Variants in PDLIM5 observed in about 807,000 individuals in gnomAD.
PDLIM5 encodes PDZ and LIM domain protein 5.
Under a neutral mutation model 64.2 loss-of-function variants are expected in PDLIM5, and 34 were observed. That is an observed-to-expected ratio of 0.53 (90% CI 0.40 to 0.71). PDLIM5 has a LOEUF of 0.71. Among genes scored for constraint, PDLIM5 ranks in the 30% least tolerant of loss-of-function variants. The pLI is 0.00. For missense variants in PDLIM5, 683 were observed against 733.6 expected, an observed-to-expected ratio of 0.93 and a Z score of 0.80; for synonymous variants, 253 against 269.1, an observed-to-expected ratio of 0.94 and a Z score of 0.59.
intron 2 of PDLIM5, among the ~76,000 whole-genome samples, chr4:94,509,980 A>G (rs1728728457): frequency 6.6e-6 from 1 of 152,216 alleles, no homozygotes; most frequent in South Asian, 2.1e-4. Context: ...GTTGCCACGC[A>G]GTATCAACCA....
intron 5 of PDLIM5, chr4:94,582,861 A>G (rs1463109546): frequency 1.1e-5 from 7 of 647,408 alleles, no homozygotes; most frequent in Admixed American, 8.6e-5. Flanking sequence ...GTTAAGGAGC[A>G]TAAGAAGCAT....
chr4:94,612,590 A>T (rs934369038), intron 7 of PDLIM5, among the ~76,000 whole-genome samples: 1 of 152,202 alleles, frequency 6.6e-6, no homozygotes, highest in African/African-American at 2.4e-5. Flanking sequence ...TGTGCTATCT[A>T]TGGCCCCACC....
chr4:94,625,711 C>T (rs1739636264), intron 8 of PDLIM5, among the ~76,000 whole-genome samples: 1 of 152,090 alleles, frequency 6.6e-6, no homozygotes, highest in South Asian at 2.1e-4. Flanking sequence ...CCTCGGCCTC[C>T]CAAAGTGCTG....
In PDLIM5 at chr4:94,618,116, G is replaced by A. The variant is rs966845; in HGVS notation, c.1033G>A (p.Ala345Thr). ...SGRPGVTSLT[A>T]AAAFKPVGST... ...CAGACCAGGGGTTACCAGCCTCACA[G>A]CTGCAGCTGCCTTCAAGCCTGTAGG... The change falls in exon 8 of 13, where the codon GCT becomes ACT. Residue 345 changes from alanine (A) to threonine (T), a missense_variant. Coordinates refer to ENST00000317968, the MANE Select transcript of PDLIM5 (RefSeq NM_006457.5). The A allele has an allele frequency of 0.99, 1,602,162 of 1,612,560 alleles. 795,955 individuals carry two copies. Among genetic ancestry groups the A allele is most frequent in the East Asian group, 1 (44,730 of 44,730 alleles).
At chr4:94,630,708 C>A (rs553737080) in intron 8 of PDLIM5, among the ~76,000 whole-genome samples, 1 of 152,106 alleles carries the variant, frequency 6.6e-6, no homozygotes, top group South Asian at 2.1e-4. Context: ...ATCAGCCTTT[C>A]TTCTGACTTA....
chr4:94,575,689 A>G lies in PDLIM5; in HGVS notation c.365A>G (p.Asn122Ser), dbSNP rs758145672. 1.4e-5 allele frequency: 23 copies of G among 1,613,492 alleles called. No homozygotes were observed. The South Asian group carries it at 2.4e-4, about 17-fold the overall frequency. ...GTGTCCAAAGTCACTTCCACAAACA[A>G]CATGGCCTACAATAAGGCACCACGG... ...PAVSKVTSTN[N>S]MAYNKAPRPF... The change falls in exon 5 of 13, where the codon AAC becomes AGC. Residue 122 changes from asparagine (N) to serine (S), a missense_variant. By Grantham distance (46) the Asn-to-Ser change is conservative. Coordinates refer to ENST00000317968, the MANE Select transcript of PDLIM5 (RefSeq NM_006457.5).
chr4:94,468,918 A>G (rs1724607510), intron 2 of PDLIM5, among the ~76,000 whole-genome samples: 1 of 152,238 alleles, frequency 6.6e-6, no homozygotes, highest in Non-Finnish European at 1.5e-5. Context: ...ATTTTCTGAC[A>G]AAGGCCACAT....
rs142049448 is a variant in PDLIM5, at chr4:94,609,797, A to G, written c.921-8207A>G. 6.4e-4 allele frequency among the ~76,000 whole-genome samples: 98 copies of G among 152,278 alleles called. 2 individuals carry two copies. In the East Asian group the frequency reaches 0.018, roughly 28 times the overall value. On this transcript the variant is annotated intron_variant, in intron 7 of 12. Coordinates refer to ENST00000317968, the MANE Select transcript of PDLIM5 (RefSeq NM_006457.5). ...GGAAAAAACAATTTTCCTTCTTTCT[A>G]TGCTTATAGAAATTCAGACTTCACG...
At chr4:94,606,794 C>A (rs1737962942) in intron 7 of PDLIM5, among the ~76,000 whole-genome samples, 1 of 152,146 alleles carries the variant, frequency 6.6e-6, no homozygotes, top group East Asian at 1.9e-4. Context: ...TTAGTCAGTT[C>A]TTATATCATA....
At chr4:94,524,612 T>C (rs893029513) in intron 3 of PDLIM5, among the ~76,000 whole-genome samples, 6 of 152,044 alleles carry the variant, frequency 3.9e-5, no homozygotes, top group South Asian at 2.1e-4. Context: ...TTTGAACTTA[T>C]TGCTTTCTAA....
intron 7 of PDLIM5, among the ~76,000 whole-genome samples, chr4:94,597,862 A>G (rs974915235): frequency 6.6e-6 from 1 of 152,184 alleles, no homozygotes; most frequent in Non-Finnish European, 1.5e-5. Context: ...CATTCTGAAA[A>G]GCATGGCTAG....
chr4:94,512,123 C>G (rs1012482332), intron 2 of PDLIM5, among the ~76,000 whole-genome samples: 1 of 151,786 alleles, frequency 6.6e-6, no homozygotes, highest in African/African-American at 2.4e-5. Context: ...CAGGTTCAAG[C>G]GATTCTCCTG....
At chr4:94,656,510 C>T (rs1176925802) in intron 10 of PDLIM5, among the ~76,000 whole-genome samples, 3 of 151,124 alleles carry the variant, frequency 2.0e-5, no homozygotes, top group South Asian at 2.1e-4. Context: ...AGCCTAAACA[C>T]GTGTTAAACT....
intron 8 of PDLIM5, among the ~76,000 whole-genome samples, chr4:94,623,903 T>C (rs1739451224): frequency 6.6e-6 from 1 of 152,184 alleles, no homozygotes; most frequent in Non-Finnish European, 1.5e-5. Context: ...TTAACTCTCT[T>C]CAGAATTAAG....
At position 94,474,350 on chromosome 4, in the gene PDLIM5, A is replaced by G. The variant is rs535967039; in HGVS notation, c.96+18966A>G. Among the ~76,000 whole-genome samples the G allele has an allele frequency of 5.9e-5, 9 of 152,228 alleles. No individual in the cohort carries two copies. The South Asian group carries it at 1.7e-3, about 28-fold the overall frequency. On this transcript the variant is annotated intron_variant, in intron 2 of 12. Transcript: ENST00000317968. The stretch of plus-strand genomic sequence containing the variant: ...CGTGCTACCTCCGCCTCCTGGGTTC[A>G]AGTGATTCTTCTGCCTCAGCCTCCC...
At chr4:94,617,189 C>A in intron 7 of PDLIM5, among the ~76,000 whole-genome samples, 1 of 152,098 alleles carries the variant, frequency 6.6e-6, no homozygotes, top group East Asian at 1.9e-4. Context: ...TTTGGGCTAC[C>A]TAGAATTATT....
In PDLIM5 at chr4:94,564,864, G is replaced by A. The variant is rs563744723; in HGVS notation, c.249-8487G>A. The stretch of plus-strand genomic sequence containing the variant: ...GTAGAGACGGGGTTTCACCGTGTTA[G>A]CCAGGATGGTCTTGATCTCCTGACC... On this transcript the variant is annotated intron_variant, in intron 3 of 12. Coordinates refer to ENST00000317968, the MANE Select transcript of PDLIM5 (RefSeq NM_006457.5). 5.9e-5 allele frequency among the ~76,000 whole-genome samples: 9 copies of A among 151,846 alleles called. No individual in the cohort carries two copies. In the South Asian group the frequency reaches 1.7e-3, roughly 28 times the overall value.
At chr4:94,466,183 A>G (rs927049265) in intron 2 of PDLIM5, among the ~76,000 whole-genome samples, 6 of 151,942 alleles carry the variant, frequency 3.9e-5, no homozygotes, top group Non-Finnish European at 7.4e-5. Context: ...GCCCAGGCTG[A>G]TCTGTAACTC....
chr4:94,586,432 C>G lies in PDLIM5; in HGVS notation c.908C>G (p.Thr303Arg). 1.3e-6 allele frequency: 2 copies of G among 1,503,804 alleles called. No homozygotes were observed. The highest frequency in any genetic ancestry group is 1.8e-6 in the Non-Finnish European group (2 of 1,084,634). The allele number at this position is 1,503,804 out of a possible 1,614,324, so 93.2% of individuals were successfully genotyped here. Residue 303 changes from threonine to arginine, a missense_variant, in exon 7 of 13, where the codon ACA becomes AGA. Coordinates refer to ENST00000317968, the MANE Select transcript of PDLIM5 (RefSeq NM_006457.5). ...EHLKESEADN[T>R]KKANNSQEPS... Reference sequence around the variant, plus strand: ...GTGAAAGAATCTGAAGCCGATAATACAAAGAAGGCAAAGTAAGTTCTCTAT... The same window carrying G: ...GTGAAAGAATCTGAAGCCGATAATAGAAAGAAGGCAAAGTAAGTTCTCTAT...
Sources: allele counts gnomAD v4.1 joint callset (sites outside exome capture counted in the v4.1 genomes callset), GRCh38; gene constraint gnomAD v4.1.1; transcripts MANE v1.5; gene names NCBI Gene and HGNC (gene_info 2026-07-23, HGNC 2026-07-21).